Variants in HS6ST3 observed in about 807,000 individuals in gnomAD.
HS6ST3 encodes the protein heparan-sulfate 6-O-sulfotransferase 3.
HS6ST3 carries 12 observed loss-of-function variants against 36.7 expected under a neutral mutation model. That is an observed-to-expected ratio of 0.33 (90% CI 0.21 to 0.53). The LOEUF is 0.53. Ranked by LOEUF, HS6ST3 falls within the 20% of genes least tolerant of loss-of-function variation. The probability of loss-of-function intolerance (pLI) is 0.95; values close to 1 mark genes in which losing one functional copy is unlikely to be tolerated. For missense variants in HS6ST3, 584 were observed against 640.9 expected (o/e 0.91, Z 0.96); for synonymous variants, 240 against 257.5 (o/e 0.93, Z 0.65).
At chr13:96,223,065 T>A (rs2054463720) in intron 1 of HS6ST3, among the ~76,000 whole-genome samples, 1 of 152,176 alleles carries the variant, frequency 6.6e-6, no homozygotes, top group South Asian at 2.1e-4. Context: ...GATGGATGTG[T>A]TTGTGTTTTA....
chr13:96,317,354 A>ATATATAAAAT (rs2054978231), intron 1 of HS6ST3, among the ~76,000 whole-genome samples: 1 of 34,398 alleles, frequency 2.9e-5, no homozygotes, highest in African/African-American at 1.1e-4. Flanking sequence ...ATATATATAT[A>ATATATAAAAT]TATATATATA....
intron 1 of HS6ST3, among the ~76,000 whole-genome samples, chr13:96,674,887 A>G (rs1478040409): frequency 6.6e-6 from 1 of 152,154 alleles, no homozygotes; most frequent in Admixed American, 6.6e-5. Flanking sequence ...CAAGAGAAAG[A>G]TTTTTGTGAG....
chr13:96,577,887 T>C (rs1291759208), intron 1 of HS6ST3, among the ~76,000 whole-genome samples: 1 of 152,198 alleles, frequency 6.6e-6, no homozygotes, highest in Non-Finnish European at 1.5e-5. Context: ...TTTTACACTG[T>C]TGGTGGGAGA....
Position 96,569,867 on chromosome 13 carries a change from A to G in HS6ST3, c.708-262623A>G, listed in dbSNP as rs79530918. Among the ~76,000 whole-genome samples, 985 of 152,272 alleles carry G rather than the reference A, an allele frequency of 6.5e-3. 51 individuals carry two copies. The highest frequency in any genetic ancestry group is 0.062 in the Admixed American group (944 of 15,294). On this transcript the variant is annotated intron_variant, in intron 1 of 1. Coordinates refer to ENST00000376705, the MANE Select transcript of HS6ST3 (RefSeq NM_153456.4). The stretch of plus-strand genomic sequence containing the variant: ...CTCAGGGCTGTGTTGGCCACTTCAT[A>G]CTGTCTCTCTACAGGGTTGTCAAAA...
At chr13:96,362,828 A>G (rs1187512009) in intron 1 of HS6ST3, among the ~76,000 whole-genome samples, 2 of 152,226 alleles carry the variant, frequency 1.3e-5, no homozygotes, top group African/African-American at 2.4e-5. Flanking sequence ...GCAAGCAACT[A>G]TTGATATATG....
At chr13:96,775,191 A>T (rs770106789) in intron 1 of HS6ST3, among the ~76,000 whole-genome samples, 1 of 152,156 alleles carries the variant, frequency 6.6e-6, no homozygotes, top group Non-Finnish European at 1.5e-5. Context: ...AGCACTAAAC[A>T]TGGAAAGGAA....
At chr13:96,245,627 A>T (rs2054581382) in intron 1 of HS6ST3, among the ~76,000 whole-genome samples, 1 of 152,170 alleles carries the variant, frequency 6.6e-6, no homozygotes, top group South Asian at 2.1e-4. Context: ...CAGGGTCCAG[A>T]CTGCCTTTAG....
intron 1 of HS6ST3, among the ~76,000 whole-genome samples, chr13:96,719,273 CA>C (rs5805989): frequency 2.9e-3 from 318 of 109,556 alleles, no homozygotes; most frequent in Non-Finnish European, 4.2e-3. Context: ...GACTATGTCT[CA>C]AAAAAAAAAA....
intron 1 of HS6ST3, among the ~76,000 whole-genome samples, chr13:96,318,513 A>G (rs1425166833): frequency 1.3e-5 from 2 of 151,532 alleles, no homozygotes; most frequent in African/African-American, 4.9e-5. Flanking sequence ...AGCCCAGGTG[A>G]CAGAGTGAGA....
At chr13:96,598,719 A>C (rs1275948395) in intron 1 of HS6ST3, among the ~76,000 whole-genome samples, 1 of 152,100 alleles carries the variant, frequency 6.6e-6, no homozygotes, top group Non-Finnish European at 1.5e-5. Context: ...TGTTGTGTAG[A>C]AGTGATGAGT....
chr13:96,820,518 C>T (rs75038696), intron 1 of HS6ST3, among the ~76,000 whole-genome samples: 124 of 152,292 alleles, frequency 8.1e-4, no homozygotes, highest in African/African-American at 2.9e-3. Context: ...TAGGTATCAG[C>T]TACTGCCGGG....
At chr13:96,160,765 G>A (rs2054131951) in intron 1 of HS6ST3, among the ~76,000 whole-genome samples, 1 of 152,212 alleles carries the variant, frequency 6.6e-6, no homozygotes, top group Non-Finnish European at 1.5e-5. Context: ...TGCTCCCAGA[G>A]GGTGTACAAT....
chr13:96,728,388 A>T (rs1373307201), intron 1 of HS6ST3, among the ~76,000 whole-genome samples: 1 of 152,178 alleles, frequency 6.6e-6, no homozygotes, highest in Non-Finnish European at 1.5e-5. Flanking sequence ...CCATGGTATC[A>T]TTCTGTCTCC....
intron 1 of HS6ST3, among the ~76,000 whole-genome samples, chr13:96,308,825 G>A (rs1225912113): frequency 6.6e-6 from 1 of 151,978 alleles, no homozygotes; most frequent in Non-Finnish European, 1.5e-5. Flanking sequence ...GCTGTCTAGT[G>A]GTACGCATGA....
At chr13:96,099,196 C>T (rs1566881519) in intron 1 of HS6ST3, among the ~76,000 whole-genome samples, 1 of 152,258 alleles carries the variant, frequency 6.6e-6, no homozygotes, top group East Asian at 1.9e-4. Context: ...TGCCTGTCTG[C>T]CTCCCAAAGT....
intron 1 of HS6ST3, among the ~76,000 whole-genome samples, chr13:96,129,507 G>A (rs1265149712): frequency 6.6e-6 from 1 of 152,114 alleles, no homozygotes; most frequent in Non-Finnish European, 1.5e-5. Flanking sequence ...CATGTCCCTG[G>A]GATCTCTATC....
intron 1 of HS6ST3, among the ~76,000 whole-genome samples, chr13:96,726,833 A>T (rs998313941): frequency 6.6e-6 from 1 of 152,046 alleles, no homozygotes; most frequent in Non-Finnish European, 1.5e-5. Flanking sequence ...TCCAGTGAGA[A>T]ATCTGCTGTT....
At chr13:96,735,705 A>T (rs1230882661) in intron 1 of HS6ST3, among the ~76,000 whole-genome samples, 1 of 152,208 alleles carries the variant, frequency 6.6e-6, no homozygotes, top group Non-Finnish European at 1.5e-5. Flanking sequence ...GCAATTAAAA[A>T]TGAGTAAAAT....
intron 1 of HS6ST3, among the ~76,000 whole-genome samples, chr13:96,098,032 A>G (rs1464875409): frequency 6.6e-6 from 1 of 152,256 alleles, no homozygotes; most frequent in African/African-American, 2.4e-5. Context: ...CGGATTGTCT[A>G]GAAGAGAAGT....
Sources: allele counts gnomAD v4.1 joint callset (sites outside exome capture counted in the v4.1 genomes callset), GRCh38; gene constraint gnomAD v4.1.1; transcripts MANE v1.5; gene names NCBI Gene and HGNC (gene_info 2026-07-23, HGNC 2026-07-21).